The following MAP7D1 variants were observed in gnomAD, a reference collection of about 807,000 sequenced individuals.
MAP7D1 encodes MAP7 domain containing 1.
In MAP7D1, 30 loss-of-function variants were observed where a neutral mutation model predicts 97.5. The observed-to-expected ratio is 0.31, with a 90% CI of 0.23 to 0.42. The LOEUF (loss-of-function observed/expected upper bound fraction) is 0.42, where lower values mean the gene tolerates loss of function less well. Among genes scored for constraint, MAP7D1 ranks in the 10% least tolerant of loss-of-function variants. The probability of loss-of-function intolerance (pLI) is 1.00; values close to 1 mark genes in which losing one functional copy is unlikely to be tolerated. For synonymous variants in MAP7D1, 536 were observed against 477.1 expected, an observed-to-expected ratio of 1.12 and a Z score of -1.61; for missense variants, 1,184 against 1,179.5, an observed-to-expected ratio of 1.00 and a Z score of -0.06.
intron 5 of MAP7D1, 37 bp from the exon 6 acceptor site, chr1:36,174,861 G>T (rs761111501): frequency 7.3e-7 from 1 of 1,365,746 alleles, no homozygotes; most frequent in African/African-American, 1.4e-5. Context: ...GGCTCCTGCC[G>T]GGCCCGGCCC....
chr1:36,170,884 C>T (rs1039847783), intron 1 of MAP7D1, 87 bp from the exon 2 acceptor site: 33 of 659,016 alleles, frequency 5.0e-5, no homozygotes, highest in East Asian at 3.9e-4. Context: ...ATGAAGAAGT[C>T]GGTTGAACAA....
Position 36,179,969 on chromosome 1 carries a change from G to T in MAP7D1, c.2414G>T (p.Gly805Val), listed in dbSNP as rs1644693883. Residue 805 changes from glycine (G) to valine (V), a missense_variant, in exon 16 of 17, where the codon GGG (glycine) becomes GTG (valine). Gly to Val is a moderately radical substitution (Grantham distance 109). Transcript: ENST00000474796. ...ENGFSTNGPSGDKSLSRTPET... is the reference protein window; with the variant it reads ...ENGFSTNGPSVDKSLSRTPET... ...GGCTTCTCCACCAACGGACCCTCTGGGGACAAGAGTCTGAGCCGAACACCA... is the reference window on the plus strand; with the variant it reads ...GGCTTCTCCACCAACGGACCCTCTGTGGACAAGAGTCTGAGCCGAACACCA... 6.2e-7 allele frequency: 1 copy of T among 1,614,100 alleles called. No individual in the cohort carries two copies. The highest frequency in any genetic ancestry group is 8.5e-7 in the Non-Finnish European group (1 of 1,180,040).
chr1:36,161,946 T>C (rs982306907), intron 1 of MAP7D1, among the ~76,000 whole-genome samples: 3 of 151,678 alleles, frequency 2.0e-5, no homozygotes, highest in Non-Finnish European at 2.9e-5. Context: ...TCTCTCGCCA[T>C]TGTGCAGGCC....
Position 36,179,706 on chromosome 1 carries a change from G to T in MAP7D1, c.2268G>T (p.Gln756His). The change falls in exon 15 of 17, where the codon CAG becomes CAT. Residue 756 changes from glutamine (Q) to histidine (H), a missense_variant. Coordinates refer to ENST00000474796, the MANE Select transcript of MAP7D1 (RefSeq NM_001388490.1). ...TGGAGGCTCGGTCCCCAGGGCTGCA[G>T]AAGGAGGCTGTGCAGAAAGAGGAGC... The part of the protein sequence containing the change: ...KAVEARSPGL[Q>H]KEAVQKEEPI... The T allele has an allele frequency of 6.6e-7, 1 of 1,517,782 alleles. No individual in the cohort carries two copies. Among genetic ancestry groups the T allele is most frequent in the Non-Finnish European group, 8.8e-7 (1 of 1,133,666 alleles). The allele number at this position is 1,517,782 out of a possible 1,614,324, so 94.0% of individuals were successfully genotyped here. A position where few individuals can be genotyped will look rare whatever the true frequency, so the allele number is the denominator to read the frequency against.
rs761579323 is a variant in MAP7D1 at position 36,179,042 on chromosome 1, G to A, written c.2130+17G>A. On this transcript the variant is annotated intron_variant, in intron 12 of 16. Transcript: ENST00000474796. Reference sequence around the variant, plus strand: ...CGCAGAAAGGTGTGCGGACCTGGGCGGGGATTTGTGGGCGGGGCCTGGGCA... The same window carrying A: ...CGCAGAAAGGTGTGCGGACCTGGGCAGGGATTTGTGGGCGGGGCCTGGGCA... 1 of 1,549,076 alleles carries A rather than the reference G, an allele frequency of 6.5e-7. No individual in the cohort carries two copies. The highest frequency in any genetic ancestry group is 8.7e-7 in the Non-Finnish European group (1 of 1,146,206).
intron 6 of MAP7D1, among the ~76,000 whole-genome samples, chr1:36,175,415 G>A (rs1644604598): frequency 6.6e-6 from 1 of 152,190 alleles, no homozygotes; most frequent in African/African-American, 2.4e-5. Context: ...GGGTGGAGGG[G>A]TCCCTCATTC....
At position 36,165,757 on chromosome 1, in the gene MAP7D1, GTC is replaced by G. The variant is rs1287078142; in HGVS notation, c.47-5211_47-5210del. On this transcript the variant is annotated intron_variant, in intron 1 of 16. Coordinates refer to ENST00000474796, the MANE Select transcript of MAP7D1 (RefSeq NM_001388490.1). ...TTTTTTTTTTTTTTTTGGAGACGGAGTCTCACTCTGTCATCCAGGCTGGAGTG... is the reference window on the plus strand; with the variant it reads ...TTTTTTTTTTTTTTTTGGAGACGGAGTCACTCTGTCATCCAGGCTGGAGTG... Among the ~76,000 whole-genome samples, 37 of 138,334 alleles carry G rather than the reference GTC, an allele frequency of 2.7e-4. No homozygotes were observed. In the East Asian group the frequency reaches 7.7e-3, roughly 29 times the overall value. 90.8% of individuals were successfully genotyped at this position (138,334 alleles called of 152,430 possible). A position where few individuals can be genotyped will look rare whatever the true frequency, so the allele number is the denominator to read the frequency against.
Position 36,171,248 on chromosome 1 carries a change from T to A in MAP7D1, c.324T>A (p.Pro108=). 1 of 1,601,176 alleles carries A rather than the reference T, an allele frequency of 6.2e-7. No individual in the cohort carries two copies. The highest frequency in any genetic ancestry group is 8.5e-7 in the Non-Finnish European group (1 of 1,173,952). Residue 108 remains proline, a synonymous_variant, in exon 2 of 17, where the codon CCT becomes CCA. Coordinates refer to ENST00000474796, the MANE Select transcript of MAP7D1 (RefSeq NM_001388490.1). ...PPAMGPRDAR[P]PRRSSQPSPT... Reference sequence around the variant, plus strand: ...CCATGGGCCCACGGGATGCCAGACCTCCTCGAAGGAGCAGCCAGCCATCTC... The same window carrying A: ...CCATGGGCCCACGGGATGCCAGACCACCTCGAAGGAGCAGCCAGCCATCTC...
At position 36,159,953 on chromosome 1, in the gene MAP7D1, G is replaced by C. The variant is rs112633087; in HGVS notation, c.46+3490G>C. 6.6e-5 allele frequency among the ~76,000 whole-genome samples: 10 copies of C among 152,324 alleles called. No individual in the cohort carries two copies. Among genetic ancestry groups the C allele is most frequent in the African/African-American group, 1.9e-4 (8 of 41,570 alleles). On this transcript the variant is annotated intron_variant, in intron 1 of 16. Transcript: ENST00000474796. This position sits in a 1 kb window ranked among gnomAD's most constrained non-coding sequence, Gnocchi z 5.4. ...TAATGAGCCCCTAATGTGCAGTCAC[G>C]CATATGCAAATGAGGTGGAAGGGAT...
At position 36,176,782 on chromosome 1, in the gene MAP7D1, G is replaced by A. The variant is rs1413367133; in HGVS notation, c.1319G>A (p.Arg440His). 1.9e-6 allele frequency: 3 copies of A among 1,599,236 alleles called. No individual in the cohort carries two copies. In the Admixed American group the frequency reaches 5.2e-5, roughly 28 times the overall value. ...ALARERSLKK[R>H]QSLPASPRAR... ...GCCCGGGAGCGCAGCCTCAAGAAGC[G>A]CCAGTCGCTGCCCGCCTCCCCACGT... The change falls in exon 8 of 17, where the codon CGC becomes CAC. Residue 440 changes from arginine (R) to histidine (H), a missense_variant. By Grantham distance (29) the Arg-to-His change is conservative (BLOSUM62 0). Coordinates refer to ENST00000474796, the MANE Select transcript of MAP7D1 (RefSeq NM_001388490.1). This position sits in a 1 kb window ranked among gnomAD's most constrained non-coding sequence, Gnocchi z 6.1.
intron 1 of MAP7D1, among the ~76,000 whole-genome samples, chr1:36,162,389 G>A (rs958119627): frequency 2.0e-5 from 3 of 152,210 alleles, no homozygotes; most frequent in Admixed American, 1.3e-4. Context: ...GGGGAACCAC[G>A]GAATCACTTC....
chr1:36,166,570 T>A (rs1644477552), intron 1 of MAP7D1, among the ~76,000 whole-genome samples: 1 of 152,120 alleles, frequency 6.6e-6, no homozygotes, highest in South Asian at 2.1e-4. Flanking sequence ...TTTGTGTTTT[T>A]AGTACAGACG....
chr1:36,158,029 GGT>G (rs1171217130), intron 1 of MAP7D1, among the ~76,000 whole-genome samples: 1 of 152,110 alleles, frequency 6.6e-6, no homozygotes, highest in East Asian at 1.9e-4. Context: ...GAATGGGGGT[GGT>G]GACTGGGATA....
intron 1 of MAP7D1, among the ~76,000 whole-genome samples, chr1:36,162,760 TTG>T: frequency 6.6e-6 from 1 of 152,252 alleles, no homozygotes; most frequent in South Asian, 2.1e-4. Flanking sequence ...TTGGAGCAGC[TTG>T]AGGGTCTAAA....
chr1:36,179,164 G>T (rs1392774024), intron 12 of MAP7D1, 98 bp from the exon 13 acceptor site: 1 of 1,507,396 alleles, frequency 6.6e-7, no homozygotes. Flanking sequence ...GCTGCTATGA[G>T]CTGGGAGGCC....
chr1:36,168,022 T>C (rs1644493781), intron 1 of MAP7D1, among the ~76,000 whole-genome samples: 1 of 152,052 alleles, frequency 6.6e-6, no homozygotes, highest in Non-Finnish European at 1.5e-5. Context: ...CTAGGCTGGG[T>C]GCGGTGGCTC....
intron 1 of MAP7D1, among the ~76,000 whole-genome samples, chr1:36,161,760 G>T (rs1644411765): frequency 6.6e-6 from 1 of 152,098 alleles, no homozygotes; most frequent in Non-Finnish European, 1.5e-5. Flanking sequence ...CTGAGGCTTT[G>T]TCTGTTTCTT....
intron 1 of MAP7D1, among the ~76,000 whole-genome samples, chr1:36,168,317 AC>A (rs1480784890): frequency 3.3e-5 from 5 of 151,074 alleles, no homozygotes; most frequent in Non-Finnish European, 5.9e-5. Context: ...AAAAAGCCCA[AC>A]TCTGCCACAT....
intron 3 of MAP7D1, 36 bp from the exon 4 acceptor site, chr1:36,172,428 C>A (rs924042491): frequency 1.3e-6 from 2 of 1,483,242 alleles, no homozygotes; most frequent in East Asian, 2.4e-5. Context: ...TTCTGCAGAA[C>A]CCTTCACACA....
Sources: gnomAD v4.1 joint callset for allele counts (sites outside exome capture counted in the v4.1 genomes callset) on GRCh38, gnomAD v4.1.1 for gene constraint, Gnocchi (gnomAD v3.1) non-coding constraint, MANE v1.5 for transcripts, NCBI Gene and HGNC (gene_info 2026-07-23, HGNC 2026-07-21) for gene names.